Variants in BIRC6 observed in about 807,000 individuals in gnomAD.
BIRC6 encodes the protein baculoviral IAP repeat containing 6, also known as dual E2 ubiquitin-conjugating enzyme/E3 ubiquitin-protein ligase BIRC6.
In BIRC6, 98 loss-of-function variants were observed where a neutral mutation model predicts 503.3. The observed-to-expected ratio is 0.19, with a 90% CI of 0.17 to 0.23. The LOEUF (loss-of-function observed/expected upper bound fraction) is 0.23. Ranked by LOEUF, BIRC6 falls within the 10% of genes least tolerant of loss-of-function variation. The pLI, the probability that BIRC6 is intolerant of heterozygous loss-of-function variation, is 1.00. For synonymous variants in BIRC6, 2,240 were observed against 2,078.7 expected (o/e 1.08, Z -2.11); for missense variants, 5,360 against 5,806.0 (o/e 0.92, Z 2.50).
At position 32,473,243 on chromosome 2, in the gene BIRC6, A is replaced by G; in HGVS notation, c.6720+4A>G. 6.6e-7 allele frequency: 1 copy of G among 1,521,910 alleles called. No individual in the cohort carries two copies. Among genetic ancestry groups the G allele is most frequent in the Non-Finnish European group, 8.8e-7 (1 of 1,135,282 alleles). 94.3% of individuals were successfully genotyped at this position (1,521,910 alleles called of 1,614,324 possible). A position where few individuals can be genotyped will look rare whatever the true frequency, so the allele number is the denominator to read the frequency against. On this transcript the variant is annotated splice_donor_region_variant and intron_variant, in intron 33 of 73. Transcript: ENST00000421745. ...GCAGCTTGTTCATCATAAACAGGTA[A>G]TTGTCAATATATTTAAAAATTTTTA...
rs1374000155 is a variant in BIRC6, at chr2:32,493,568, A to G, written c.8369A>G (p.Gln2790Arg). ...QVGPTATQAM[Q>R]EFLTRLQVHL... Reference sequence around the variant, plus strand: ...GGTCCTACAGCTACACAAGCTATGCAAGAATTTCTTACTCGATTACAAGTG... The same window carrying G: ...GGTCCTACAGCTACACAAGCTATGCGAGAATTTCTTACTCGATTACAAGTG... The change falls in exon 45 of 74, where the codon CAA becomes CGA. Residue 2790 changes from glutamine to arginine, a missense_variant. By Grantham distance (43) the Gln-to-Arg change is conservative (BLOSUM62 1). Transcript: ENST00000421745. The G allele has an allele frequency of 2.5e-6, 4 of 1,610,968 alleles. No individual in the cohort carries two copies. The highest frequency in any genetic ancestry group is 3.4e-6 in the Non-Finnish European group (4 of 1,178,034).
At chr2:32,397,849 T>A (rs764640196) in intron 6 of BIRC6, among the ~76,000 whole-genome samples, 10 of 152,136 alleles carry the variant, frequency 6.6e-5, no homozygotes, top group South Asian at 2.1e-4. Context: ...GGAAAGTTGA[T>A]TAAAATTTCT....
At chr2:32,574,919 T>A (rs1333233196) in intron 65 of BIRC6, 1 of 513,214 alleles carries the variant, frequency 1.9e-6, no homozygotes, top group East Asian at 3.5e-5. Flanking sequence ...GGCTAATTTT[T>A]GTATTCTTAG....
At chr2:32,524,354 A>C (rs2056065277) in intron 57 of BIRC6, among the ~76,000 whole-genome samples, 2 of 152,212 alleles carry the variant, frequency 1.3e-5, no homozygotes, top group East Asian at 3.8e-4. Flanking sequence ...AGAACAGGAA[A>C]TCTGTTACAG....
At chr2:32,614,582 C>T (rs1184722736) in intron 73 of BIRC6, among the ~76,000 whole-genome samples, 4 of 152,210 alleles carry the variant, frequency 2.6e-5, no homozygotes, top group Non-Finnish European at 4.4e-5. Context: ...AATCCCAACA[C>T]TTTGGGAGGC....
chr2:32,608,302 G>A (rs1020659412), intron 72 of BIRC6, among the ~76,000 whole-genome samples: 5 of 151,682 alleles, frequency 3.3e-5, no homozygotes, highest in African/African-American at 7.3e-5. Flanking sequence ...AAAAATGGTA[G>A]TAGATAGTAC....
chr2:32,455,121 G>T (rs1222495014), intron 23 of BIRC6, among the ~76,000 whole-genome samples: 1 of 152,090 alleles, frequency 6.6e-6, no homozygotes, highest in African/African-American at 2.4e-5. Flanking sequence ...GCTCATGCCT[G>T]TAATCCCAGC....
At position 32,448,860 on chromosome 2, in the gene BIRC6, G is replaced by C. The variant is rs753288499; in HGVS notation, c.4550G>C (p.Cys1517Ser). The C allele has an allele frequency of 3.4e-5, 55 of 1,613,422 alleles. No homozygotes were observed. Among genetic ancestry groups the C allele is most frequent in the Non-Finnish European group, 4.3e-5 (51 of 1,179,566 alleles). ...GATTTGGAGATGAGTGGCTCTTCTTGTAAAAATGTTTATAACAGCAGCATT... is the reference window on the plus strand; with the variant it reads ...GATTTGGAGATGAGTGGCTCTTCTTCTAAAAATGTTTATAACAGCAGCATT... ...LFDLEMSGSS[C>S]KNVYNSSIGV... The change falls in exon 22 of 74, where the codon TGT (cysteine) becomes TCT (serine). Residue 1517 changes from cysteine to serine, a missense_variant. This residue lies in a region of BIRC6 where 2,299 missense variants were observed against 2,267.2 expected (regional missense o/e 1.01). Coordinates refer to ENST00000421745, the MANE Select transcript of BIRC6 (RefSeq NM_016252.4).
chr2:32,420,415 T>G (rs939734014), intron 10 of BIRC6, among the ~76,000 whole-genome samples: 1 of 152,154 alleles, frequency 6.6e-6, no homozygotes, highest in Non-Finnish European at 1.5e-5. Flanking sequence ...GGTTTTTTAT[T>G]TTTTATTTTT....
At chr2:32,603,641 T>C (rs373295825) in intron 71 of BIRC6, among the ~76,000 whole-genome samples, 53 of 152,122 alleles carry the variant, frequency 3.5e-4, no homozygotes, top group Non-Finnish European at 5.4e-4. Context: ...GGAGAATCGC[T>C]GGAACCCCGG....
At chr2:32,534,818 A>G (rs1443038430) in intron 61 of BIRC6, among the ~76,000 whole-genome samples, 3 of 151,390 alleles carry the variant, frequency 2.0e-5, no homozygotes, top group East Asian at 1.9e-4. Context: ...AGCTGTATGG[A>G]CTGAAGTGAA....
Position 32,493,859 on chromosome 2 carries a change from T to A in BIRC6, c.8468+192T>A, listed in dbSNP as rs1327462240. 2.0e-5 allele frequency among the ~76,000 whole-genome samples: 3 copies of A among 152,202 alleles called. No homozygotes were observed. In the South Asian group the frequency reaches 6.2e-4, roughly 31 times the overall value. Reference sequence around the variant, plus strand: ...TTCATTTCATTATGGTTTTCTCAAGTCCTTATACCTCTACTCTCTTTAATA... The same window carrying A: ...TTCATTTCATTATGGTTTTCTCAAGACCTTATACCTCTACTCTCTTTAATA... On this transcript the variant is annotated intron_variant, in intron 45 of 73. Coordinates refer to ENST00000421745, the MANE Select transcript of BIRC6 (RefSeq NM_016252.4).
At position 32,414,946 on chromosome 2, in the gene BIRC6, C is replaced by G; in HGVS notation, c.1655C>G (p.Thr552Arg). Residue 552 changes from threonine to arginine, a missense_variant, in exon 10 of 74, where the codon ACA becomes AGA. By Grantham distance (71) the Thr-to-Arg change is moderately conservative (BLOSUM62 -1). Coordinates refer to ENST00000421745, the MANE Select transcript of BIRC6 (RefSeq NM_016252.4). Reference protein sequence around the residue: ...PCLTNSKSEKTKEKHQEQHNI... With the variant: ...PCLTNSKSEKRKEKHQEQHNI... The stretch of plus-strand genomic sequence containing the variant: ...TTAACAAACTCTAAGAGTGAAAAGA[C>G]AAAGGAAAAGCACCAGGAGCAACAC... The G allele has an allele frequency of 6.2e-7, 1 of 1,613,898 alleles. No homozygotes were observed. The highest frequency in any genetic ancestry group is 8.5e-7 in the Non-Finnish European group (1 of 1,179,878).
At chr2:32,462,175 A>G (rs543614569) in intron 23 of BIRC6, among the ~76,000 whole-genome samples, 2 of 147,178 alleles carry the variant, frequency 1.4e-5, no homozygotes, top group Non-Finnish European at 3.1e-5. Context: ...TGCTATTCTT[A>G]TAGCAGTTAT....
At chr2:32,392,174 AC>A in intron 5 of BIRC6, 24 bp downstream of exon 5, 1 of 1,487,776 alleles carries the variant, frequency 6.7e-7, no homozygotes, top group Non-Finnish European at 9.1e-7. Context: ...ATAAAAAAAT[AC>A]TTTTCTCAGT....
intron 2 of BIRC6, among the ~76,000 whole-genome samples, chr2:32,378,515 T>TG (rs1382561200): frequency 6.6e-6 from 1 of 152,088 alleles, no homozygotes; most frequent in East Asian, 1.9e-4. Flanking sequence ...AGGAGTGCAG[T>TG]GGCTTGACCT....
At chr2:32,462,912 G>A (rs1370092095) in intron 23 of BIRC6, among the ~76,000 whole-genome samples, 15 of 149,298 alleles carry the variant, frequency 1.0e-4, no homozygotes, top group Admixed American at 6.0e-4. Flanking sequence ...CCAAGATCAC[G>A]CCGCTGCACT....
In BIRC6 at chr2:32,454,084, G is replaced by A. The variant is rs1403922658; in HGVS notation, c.4753+142G>A. 7 of 698,450 alleles carry A rather than the reference G, an allele frequency of 1.0e-5. No homozygotes were observed. In the Admixed American group the frequency reaches 2.1e-4, roughly 21 times the overall value. 43.3% of individuals were successfully genotyped at this position (698,450 alleles called of 1,614,324 possible). On this transcript the variant is annotated intron_variant, in intron 23 of 73. Transcript: ENST00000421745. ...TTTATTTGTGGGAGGGGCATTTGGG[G>A]GAAATATAAATCGTTTTATATTCTT... is the stretch of plus-strand genomic sequence containing the variant.
intron 1 of BIRC6, among the ~76,000 whole-genome samples, chr2:32,361,726 A>G (rs2034122055): frequency 6.6e-6 from 1 of 151,846 alleles, no homozygotes; most frequent in Admixed American, 6.6e-5. Flanking sequence ...CCTGCTGGCA[A>G]CCACTGATCT....
Sources: allele counts gnomAD v4.1 joint callset (sites outside exome capture counted in the v4.1 genomes callset), GRCh38; gene constraint gnomAD v4.1.1; regional missense constraint gnomAD v4.1.1; transcripts MANE v1.5; gene names NCBI Gene and HGNC (gene_info 2026-07-23, HGNC 2026-07-21).